LYPD6B: variants seen among roughly 807,000 people sequenced by gnomAD.
The protein encoded by LYPD6B is LY6/PLAUR domain containing 6B.
LYPD6B carries 17 observed loss-of-function variants against 22.8 expected under a neutral mutation model. The ratio of observed to expected loss-of-function variants is 0.75; its 90% CI spans 0.51 to 1.12. The LOEUF (loss-of-function observed/expected upper bound fraction) is 1.12. LYPD6B is among the 50% of genes most tolerant of loss of function. The probability of loss-of-function intolerance (pLI) is 0.00; values close to 1 mark genes in which losing one functional copy is unlikely to be tolerated. For synonymous variants in LYPD6B, 106 were observed against 91.6 expected, an observed-to-expected ratio of 1.16 and a Z score of -0.90; for missense variants, 221 against 258.3, an observed-to-expected ratio of 0.86 and a Z score of 0.99.
At chr2:149,199,039 T>C (rs75252819) in intron 3 of LYPD6B, among the ~76,000 whole-genome samples, 99 of 152,330 alleles carry the variant, frequency 6.5e-4, no homozygotes, top group Non-Finnish European at 1.1e-3. Context: ...CAGTATGCGA[T>C]GAAGCTGAAC....
intron 3 of LYPD6B, chr2:149,204,517 G>A (rs1461439868): frequency 1.3e-5 from 2 of 154,448 alleles, no homozygotes; most frequent in East Asian, 1.9e-4. Context: ...CCTACTTGAA[G>A]TCTATAAATG....
At chr2:149,188,950 A>T (rs1384590005) in intron 3 of LYPD6B, among the ~76,000 whole-genome samples, 25 of 152,154 alleles carry the variant, frequency 1.6e-4, no homozygotes, top group Non-Finnish European at 1.5e-5. Context: ...AACTTTTAAG[A>T]CCTGATTCTA....
intron 3 of LYPD6B, among the ~76,000 whole-genome samples, chr2:149,185,025 T>C (rs986198887): frequency 2.0e-5 from 3 of 152,250 alleles, no homozygotes; most frequent in Non-Finnish European, 2.9e-5. Flanking sequence ...CTCTGCTCCA[T>C]GTCAGGCTCA....
intron 2 of LYPD6B, among the ~76,000 whole-genome samples, chr2:149,145,800 T>A (rs1688984741): frequency 6.6e-6 from 1 of 152,074 alleles, no homozygotes; most frequent in Non-Finnish European, 1.5e-5. Flanking sequence ...CCAGTGAAAG[T>A]GAGGGTGCCA....
chr2:149,128,391 A>G (rs1687829058), intron 1 of LYPD6B, among the ~76,000 whole-genome samples: 1 of 152,252 alleles, frequency 6.6e-6, no homozygotes, highest in African/African-American at 2.4e-5. Context: ...GATCCAAATC[A>G]TGGACTTTAG....
chr2:149,115,355 A>G (rs562615955), intron 1 of LYPD6B, among the ~76,000 whole-genome samples: 17 of 152,214 alleles, frequency 1.1e-4, no homozygotes, highest in Non-Finnish European at 2.1e-4. Flanking sequence ...CCTTATTGGA[A>G]TGTTTTCATG....
At chr2:149,174,079 T>A (rs1018328039) in intron 3 of LYPD6B, among the ~76,000 whole-genome samples, 2 of 152,216 alleles carry the variant, frequency 1.3e-5, no homozygotes, top group African/African-American at 4.8e-5. Flanking sequence ...TGAGCAGTGG[T>A]TTGTAGTTCT....
intron 3 of LYPD6B, among the ~76,000 whole-genome samples, chr2:149,193,572 G>C (rs1448981392): frequency 1.3e-5 from 2 of 152,106 alleles, no homozygotes; most frequent in African/African-American, 2.4e-5. Flanking sequence ...AGTAAATTTG[G>C]AAGGTGCAGG....
At chr2:149,091,172 T>C (rs1345919931) in intron 1 of LYPD6B, among the ~76,000 whole-genome samples, 2 of 152,142 alleles carry the variant, frequency 1.3e-5, no homozygotes, top group East Asian at 3.8e-4. Flanking sequence ...TATATTTTCA[T>C]GTGTATAATT....
intron 1 of LYPD6B, among the ~76,000 whole-genome samples, chr2:149,071,610 G>A (rs947893195): frequency 1.2e-4 from 19 of 152,154 alleles, no homozygotes; most frequent in Non-Finnish European, 2.5e-4. Flanking sequence ...AACAATGGCT[G>A]TGATTTCCTA....
intron 1 of LYPD6B, among the ~76,000 whole-genome samples, chr2:149,117,223 T>C (rs1349015415): frequency 6.6e-6 from 1 of 152,096 alleles, no homozygotes; most frequent in Non-Finnish European, 1.5e-5. Flanking sequence ...ATATTTATAG[T>C]TTTTCATAGA....
At chr2:149,176,462 G>T (rs534943466) in intron 3 of LYPD6B, among the ~76,000 whole-genome samples, 1 of 152,142 alleles carries the variant, frequency 6.6e-6, no homozygotes, top group Non-Finnish European at 1.5e-5. Flanking sequence ...ATAAGGAGTC[G>T]ATCATTAGTT....
chr2:149,205,334 C>G lies in LYPD6B; in HGVS notation c.159C>G (p.Ile53Met). 1 of 1,613,980 alleles carries G rather than the reference C, an allele frequency of 6.2e-7. No homozygotes were observed. The highest frequency in any genetic ancestry group is 8.5e-7 in the Non-Finnish European group (1 of 1,179,856). The part of the protein sequence containing the change: ...CHALAIAVVQ[I>M]VIFSESWAFA... Reference sequence around the variant, plus strand: ...CTCTCGCTATAGCTGTTGTCCAGATCGTTATCTTCTCAGAAAGCTGGGCAT... The same window carrying G: ...CTCTCGCTATAGCTGTTGTCCAGATGGTTATCTTCTCAGAAAGCTGGGCAT... Residue 53 changes from isoleucine to methionine, a missense_variant, in exon 4 of 7, where the codon ATC (isoleucine) becomes ATG (methionine). Physicochemically the swap from Ile to Met is conservative, Grantham distance 10 (BLOSUM62 1). Coordinates refer to ENST00000409642, the MANE Select transcript of LYPD6B (RefSeq NM_177964.5).
At chr2:149,169,038 G>C (rs1435276753) in intron 3 of LYPD6B, among the ~76,000 whole-genome samples, 3 of 152,164 alleles carry the variant, frequency 2.0e-5, no homozygotes, top group Non-Finnish European at 4.4e-5. Flanking sequence ...TAATTAAACT[G>C]TATTTTAACA....
At chr2:149,121,379 CT>C (rs1687345991) in intron 1 of LYPD6B, among the ~76,000 whole-genome samples, 1 of 152,098 alleles carries the variant, frequency 6.6e-6, no homozygotes, top group East Asian at 1.9e-4. Context: ...GCTTTTTCTA[CT>C]TTTTTATGTG....
At chr2:149,155,105 A>C in intron 2 of LYPD6B, among the ~76,000 whole-genome samples, 1 of 152,174 alleles carries the variant, frequency 6.6e-6, no homozygotes, top group Admixed American at 6.5e-5. Context: ...CCCTTAAAGT[A>C]AAATTACCTC....
chr2:149,193,162 C>G (rs1222260057), intron 3 of LYPD6B, among the ~76,000 whole-genome samples: 1 of 152,080 alleles, frequency 6.6e-6, no homozygotes, highest in South Asian at 2.1e-4. Context: ...TCCAGATGGT[C>G]ACCTCACCAA....
Position 149,070,769 on chromosome 2 carries a change from T to C in LYPD6B, c.-67+31968T>C, listed in dbSNP as rs192055161. ...CTTCTTGGTTGGTAATCATAGGAAG[T>C]AAACTCTCATTAGTATCTGGTGTAT... On this transcript the variant is annotated intron_variant, in intron 1 of 6. Transcript: ENST00000409642. Among the ~76,000 whole-genome samples, 4 of 152,330 alleles carry C rather than the reference T, an allele frequency of 2.6e-5. No homozygotes were observed. The East Asian group carries it at 7.7e-4, about 29-fold the overall frequency.
At chr2:149,073,621 C>T (rs1459959632) in intron 1 of LYPD6B, among the ~76,000 whole-genome samples, 1 of 152,036 alleles carries the variant, frequency 6.6e-6, no homozygotes, top group Non-Finnish European at 1.5e-5. Flanking sequence ...CCTTTTCTTC[C>T]ACTCGGTGCT....
Sources: allele counts gnomAD v4.1 joint callset (sites outside exome capture counted in the v4.1 genomes callset), GRCh38; gene constraint gnomAD v4.1.1; transcripts MANE v1.5; gene names NCBI Gene and HGNC (gene_info 2026-07-23, HGNC 2026-07-21).